The following FOLH1 variants were observed in gnomAD, a reference collection of about 807,000 sequenced individuals.
FOLH1 encodes glutamate carboxypeptidase 2.
In FOLH1, 54 loss-of-function variants were observed where a neutral mutation model predicts 93.9. The ratio of observed to expected loss-of-function variants is 0.57; its 90% confidence interval spans 0.46 to 0.72. The LOEUF (loss-of-function observed/expected upper bound fraction) is 0.72. Ranked by LOEUF, FOLH1 falls within the 30% of genes least tolerant of loss-of-function variation. The pLI is 0.00. For synonymous variants in FOLH1, 249 were observed against 303.6 expected (o/e 0.82, Z 1.87); for missense variants, 571 against 892.5 (o/e 0.64, Z 4.59).
rs1456325632 is a variant in FOLH1 at position 49,145,614 on chromosome 11, G to A, written c.*1142C>T. 1.3e-5 allele frequency among the ~76,000 whole-genome samples: 2 copies of A among 152,144 alleles called. No individual in the cohort carries two copies. The highest frequency in any genetic ancestry group is 4.8e-5 in the African/African-American group (2 of 41,424). ...GATTCTTCAAGGGCAACACTACAGC[G>A]ACTTCTTAACTTTGAGCGAGGCCAC... On this transcript the variant is annotated 3_prime_UTR_variant, in exon 19 of 19. Coordinates refer to ENST00000256999, the MANE Select transcript of FOLH1 (RefSeq NM_004476.3).
At chr11:49,168,114 A>G (rs1228326653) in intron 12 of FOLH1, among the ~76,000 whole-genome samples, 1 of 151,430 alleles carries the variant, frequency 6.6e-6, no homozygotes, top group East Asian at 1.9e-4. Context: ...AGGAGTGAAT[A>G]AGCAAGATAC....
intron 3 of FOLH1, among the ~76,000 whole-genome samples, chr11:49,196,086 G>A (rs903970391): frequency 2.6e-5 from 4 of 152,046 alleles, no homozygotes; most frequent in Non-Finnish European, 5.9e-5. Flanking sequence ...CCCGGGAGGC[G>A]GAGGTTGCAG....
chr11:49,207,878 C>A (rs930673427), intron 1 of FOLH1: 1 of 460,774 alleles, frequency 2.2e-6, no homozygotes, highest in African/African-American at 2.0e-5. Flanking sequence ...CTGGTTCACA[C>A]AGTTCCCAAG....
chr11:49,155,795 CATATATATATATATAT>C (rs10526900), intron 15 of FOLH1, among the ~76,000 whole-genome samples: 843 of 52,108 alleles, frequency 0.016, 33 homozygotes, highest in African/African-American at 0.03. Flanking sequence ...AAATGAAAAC[CATATATATATATATAT>C]ATATATATAT....
At chr11:49,181,877 T>A (rs1266743178) in intron 7 of FOLH1, among the ~76,000 whole-genome samples, 1 of 152,120 alleles carries the variant, frequency 6.6e-6, no homozygotes, top group African/African-American at 2.4e-5. Context: ...CCTCTAAAAA[T>A]GAGTGCCTTG....
intron 4 of FOLH1, among the ~76,000 whole-genome samples, chr11:49,189,679 A>G (rs771090533): frequency 1.3e-5 from 2 of 152,302 alleles, no homozygotes; most frequent in Middle Eastern, 3.4e-3. Context: ...TGGCTATTGC[A>G]CCATCATGAA....
rs1859229204 is a variant in FOLH1, at chr11:49,171,285, G to A, written c.1226-8C>T. 2 of 1,556,626 alleles carry A rather than the reference G, an allele frequency of 1.3e-6. No homozygotes were observed. Among genetic ancestry groups the A allele is most frequent in the Non-Finnish European group, 1.7e-6 (2 of 1,154,436 alleles). On this transcript the variant is annotated splice_region_variant and splice_polypyrimidine_tract_variant and intron_variant, in intron 10 of 18. Transcript: ENST00000256999. Reference sequence around the variant, plus strand: ...TTCTTCTAGGTCTCCACCCTAAAATGTATGTGTATATATAAATGATAGAAA... The same window carrying A: ...TTCTTCTAGGTCTCCACCCTAAAATATATGTGTATATATAAATGATAGAAA...
At chr11:49,158,477 G>A (rs548727366) in intron 13 of FOLH1, among the ~76,000 whole-genome samples, 16 of 152,254 alleles carry the variant, frequency 1.1e-4, no homozygotes, top group African/African-American at 3.6e-4. Context: ...GGTTGCCAAA[G>A]TCATTCAATA....
At chr11:49,161,660 C>A (rs1857716289) in intron 13 of FOLH1, among the ~76,000 whole-genome samples, 1 of 152,112 alleles carries the variant, frequency 6.6e-6, no homozygotes, top group African/African-American at 2.4e-5. Context: ...TGGATTTGAT[C>A]CTGTCATCAT....
rs147216474 is a variant in FOLH1, at chr11:49,203,764, T to A, written c.224+2303A>T. On this transcript the variant is annotated intron_variant, in intron 2 of 18. Transcript: ENST00000256999. Reference sequence around the variant, plus strand: ...GGCATTTATTTTTCTTCTTTGTTGGTCAATCTATGTCACAAGTTAGTGTTA... The same window carrying A: ...GGCATTTATTTTTCTTCTTTGTTGGACAATCTATGTCACAAGTTAGTGTTA... Among the ~76,000 whole-genome samples the A allele has an allele frequency of 5.9e-3, 898 of 152,294 alleles. 12 individuals carry two copies. The highest frequency in any genetic ancestry group is 0.021 in the African/African-American group (859 of 41,566).
rs79155991 is a variant in FOLH1 at position 49,186,767 on chromosome 11, G to T, written c.516C>A (p.Gly172=). The T allele has an allele frequency of 6.9e-7, 1 of 1,457,680 alleles. No individual in the cohort carries two copies. The highest frequency in any genetic ancestry group is 1.9e-5 in the Admixed American group (1 of 52,340). The allele number at this position is 1,457,680 out of a possible 1,614,324, so 90.3% of individuals were successfully genotyped here. Residue 172 remains glycine, a splice_region_variant and synonymous_variant, in exon 5 of 19, where the codon GGC becomes GGA. Coordinates refer to ENST00000256999, the MANE Select transcript of FOLH1 (RefSeq NM_004476.3). ...GTGCATAGTTAACATACACTAGATC[G>T]CCCTGTTGAGATCGGGAATGACTTA... ...SAFSPQGMPE[G]DLVYVNYART... is the part of the protein sequence containing the mutation.
intron 7 of FOLH1, among the ~76,000 whole-genome samples, chr11:49,182,625 C>T (rs1190130233): frequency 1.8e-4 from 28 of 152,082 alleles, no homozygotes; most frequent in Admixed American, 6.5e-5. Flanking sequence ...AGCTAGGAAA[C>T]CCTGAGAAAG....
intron 12 of FOLH1, among the ~76,000 whole-genome samples, chr11:49,167,413 G>A (rs1446896096): frequency 6.6e-6 from 1 of 152,110 alleles, no homozygotes; most frequent in Non-Finnish European, 1.5e-5. Context: ...GGCATCTGAC[G>A]CCAAAGGTCA....
intron 4 of FOLH1, among the ~76,000 whole-genome samples, chr11:49,187,405 AT>A (rs538108212): frequency 2.6e-5 from 4 of 152,226 alleles, no homozygotes; most frequent in South Asian, 2.1e-4. Flanking sequence ...AAAATTTAAA[AT>A]TTTTTATCAT....
chr11:49,153,802 T>A, intron 17 of FOLH1, 44 bp downstream of exon 17: 1 of 1,283,252 alleles, frequency 7.8e-7, no homozygotes, highest in East Asian at 2.5e-5. Flanking sequence ...AATATATATA[T>A]ATACACACAC....
intron 12 of FOLH1, among the ~76,000 whole-genome samples, chr11:49,167,469 T>C: frequency 6.6e-6 from 1 of 152,084 alleles, no homozygotes; most frequent in East Asian, 1.9e-4. Context: ...AATAACCAAA[T>C]GCACTGTGTA....
In FOLH1 at chr11:49,176,385, TAAG is replaced by T. The variant is rs781116169; in HGVS notation, c.921-431_921-429del. ...ACAAAGTACTTTCATACACACCTACTAAGAAGACAGGAGGATCAAAAGAAAGGA... is the reference window on the plus strand; with the variant it reads ...ACAAAGTACTTTCATACACACCTACTAAGACAGGAGGATCAAAAGAAAGGA... On this transcript the variant is annotated intron_variant, in intron 7 of 18. Coordinates refer to ENST00000256999, the MANE Select transcript of FOLH1 (RefSeq NM_004476.3). Among the ~76,000 whole-genome samples the T allele has an allele frequency of 5.3e-5, 8 of 152,298 alleles. No homozygotes were observed. The South Asian group carries it at 1.2e-3, about 24-fold the overall frequency.
intron 11 of FOLH1, among the ~76,000 whole-genome samples, chr11:49,170,799 G>C (rs202720): frequency 0.33 from 50,679 of 151,946 alleles, 10,083 homozygotes; most frequent in African/African-American, 0.56. Context: ...CATGTTTATG[G>C]CAAGATATTC....
chr11:49,208,411 T>C lies in FOLH1; in HGVS notation c.-2A>G. On this transcript the variant is annotated 5_prime_UTR_variant, in exon 1 of 19. Coordinates refer to ENST00000256999, the MANE Select transcript of FOLH1 (RefSeq NM_004476.3). Reference sequence around the variant, plus strand: ...GGTTTCGTGAAGGAGATTCCACATCTCGGCGCGAGCAGAGCCGGCCTCCCG... The same window carrying C: ...GGTTTCGTGAAGGAGATTCCACATCCCGGCGCGAGCAGAGCCGGCCTCCCG... 2 of 1,591,990 alleles carry C rather than the reference T, an allele frequency of 1.3e-6. No homozygotes were observed. Among genetic ancestry groups the C allele is most frequent in the African/African-American group, 2.7e-5 (2 of 74,336 alleles).
Sources: gnomAD v4.1 joint callset for allele counts (sites outside exome capture counted in the v4.1 genomes callset) on GRCh38, gnomAD v4.1.1 for gene constraint, MANE v1.5 for transcripts, NCBI Gene and HGNC (gene_info 2026-07-23, HGNC 2026-07-21) for gene names.